Variants in PLAGL1 observed in about 807,000 individuals in gnomAD.
PLAGL1 encodes zinc finger protein PLAGL1.
In PLAGL1, 1 loss-of-function variant was observed where a neutral mutation model predicts 4.6. That is an observed-to-expected ratio of 0.22 (90% CI 0.08 to 1.03). The LOEUF (loss-of-function observed/expected upper bound fraction) is 1.03. Among genes scored for constraint, PLAGL1 ranks in the 50% least tolerant of loss-of-function variants. The pLI, the probability that PLAGL1 is intolerant of heterozygous loss-of-function variation, is 0.58. For synonymous variants in PLAGL1, 240 were observed against 237.8 expected (o/e 1.01, Z -0.08); for missense variants, 464 against 570.4 (o/e 0.81, Z 1.90).
intron 1 of PLAGL1, among the ~76,000 whole-genome samples, chr6:144,035,651 TA>T (rs1413585671): frequency 4.3e-4 from 65 of 152,346 alleles, no homozygotes; most frequent in African/African-American, 1.4e-3. Context: ...CATTCAATAT[TA>T]ACCATCACAG....
rs1321879500 is a variant in PLAGL1 at position 143,964,371 on chromosome 6, C to T, written c.-399+416G>A. ...GAAAATCTCCAGGTCCTAGGACACA[C>T]TCCATGGGGGAAGGGGAAGCACCTA... is the stretch of plus-strand genomic sequence containing the variant. On this transcript the variant is annotated intron_variant, in intron 5 of 7. Coordinates refer to ENST00000674357, the MANE Select transcript of PLAGL1 (RefSeq NM_001317162.2). This position sits in a 1 kb window ranked among gnomAD's most constrained non-coding sequence, Gnocchi z 4.3. Among the ~76,000 whole-genome samples, 1 of 152,194 alleles carries T rather than the reference C, an allele frequency of 6.6e-6. No homozygotes were observed. Among genetic ancestry groups the T allele is most frequent in the Non-Finnish European group, 1.5e-5 (1 of 68,042 alleles).
At position 144,022,850 on chromosome 6, in the gene PLAGL1, C is replaced by G. The variant is rs370277460; in HGVS notation, c.-151+41618G>C. Reference sequence around the variant, plus strand: ...TGCAGCATGAGAACAGACTAATACACACAGACTTCCCATACTACCCAGCAA... The same window carrying G: ...TGCAGCATGAGAACAGACTAATACAGACAGACTTCCCATACTACCCAGCAA... On this transcript the variant is annotated intron_variant, in intron 1 of 3. Transcript: ENST00000437412. This position sits in a 1 kb window ranked among gnomAD's most constrained non-coding sequence, Gnocchi z 4.2. 2.0e-5 allele frequency among the ~76,000 whole-genome samples: 3 copies of G among 152,288 alleles called. No individual in the cohort carries two copies. Among genetic ancestry groups the G allele is most frequent in the Admixed American group, 6.5e-5 (1 of 15,286 alleles).
At chr6:143,986,479 C>T (rs1403939004) in intron 1 of PLAGL1, among the ~76,000 whole-genome samples, 1 of 152,058 alleles carries the variant, frequency 6.6e-6, no homozygotes, top group Admixed American at 6.6e-5. Context: ...GCAGTTTATA[C>T]ATAGTCAAGA....
intron 1 of PLAGL1, among the ~76,000 whole-genome samples, chr6:144,052,303 C>T (rs1277679401): frequency 6.6e-6 from 1 of 152,120 alleles, no homozygotes; most frequent in Non-Finnish European, 1.5e-5. Flanking sequence ...ATCAATCAAC[C>T]AAGGCAGATA....
At chr6:144,043,508 C>T (rs1237083793) in intron 1 of PLAGL1, among the ~76,000 whole-genome samples, 2 of 152,138 alleles carry the variant, frequency 1.3e-5, no homozygotes, top group African/African-American at 4.8e-5. Flanking sequence ...ATCAGCCTTG[C>T]ATCCCAGGGA....
Position 144,015,792 on chromosome 6 carries a change from G to A in PLAGL1, c.-150-46814C>T, listed in dbSNP as rs1362469228. 6.6e-6 allele frequency among the ~76,000 whole-genome samples: 1 copy of A among 152,184 alleles called. No homozygotes were observed. Among genetic ancestry groups the A allele is most frequent in the Non-Finnish European group, 1.5e-5 (1 of 68,034 alleles). ...CACATTGCTAGAAGAAATATAAAAT[G>A]ATACAGCCACTTTGGAAAACAGTTT... On this transcript the variant is annotated intron_variant, in intron 1 of 3. Coordinates refer to the PLAGL1 transcript ENST00000437412. The surrounding 1 kb of genome is among the most constrained non-coding windows in gnomAD (Gnocchi z 4.3).
In PLAGL1 at chr6:144,004,512, T is replaced by A. The variant is rs916313697; in HGVS notation, c.-584+3578A>T. Among the ~76,000 whole-genome samples, 1 of 152,240 alleles carries A rather than the reference T, an allele frequency of 6.6e-6. No individual in the cohort carries two copies. Among genetic ancestry groups the A allele is most frequent in the African/African-American group, 2.4e-5 (1 of 41,460 alleles). On this transcript the variant is annotated intron_variant, in intron 1 of 7. Transcript: ENST00000674357. The surrounding 1 kb of genome is among the most constrained non-coding windows in gnomAD (Gnocchi z 4.2). The stretch of plus-strand genomic sequence containing the variant: ...AAAAGAATAAACTGTATGACTCCGT[T>A]TATATGAAGTTTAAAAACATTTGAA...
In PLAGL1 at chr6:143,965,131, T is replaced by A. The variant is rs1784184322; in HGVS notation, c.-430-313A>T. 6.6e-6 allele frequency: 1 copy of A among 152,206 alleles called. No homozygotes were observed. The highest frequency in any genetic ancestry group is 2.1e-4 in the South Asian group (1 of 4,836). 9.4% of individuals were successfully genotyped at this position (152,206 alleles called of 1,614,324 possible). On this transcript the variant is annotated intron_variant, in intron 4 of 7. Transcript: ENST00000674357. The surrounding 1 kb of genome is among the most constrained non-coding windows in gnomAD (Gnocchi z 7.5). Reference sequence around the variant, plus strand: ...ACCCAAAAGAAAGGATATAAATCTTTAATGTGTCAAATTTGTTGACTGTAA... The same window carrying A: ...ACCCAAAAGAAAGGATATAAATCTTAAATGTGTCAAATTTGTTGACTGTAA...
intron 1 of PLAGL1, among the ~76,000 whole-genome samples, chr6:144,051,393 G>A (rs1370007897): frequency 6.6e-6 from 1 of 151,990 alleles, no homozygotes; most frequent in African/African-American, 2.4e-5. Flanking sequence ...GAATCCTTTT[G>A]GTAAACAACA....
chr6:144,054,703 A>G (rs1798820498), intron 1 of PLAGL1, among the ~76,000 whole-genome samples: 2 of 152,190 alleles, frequency 1.3e-5, no homozygotes, highest in South Asian at 4.1e-4. Flanking sequence ...TGGCACACAT[A>G]TACCTATGTA....
rs1780563198 is a variant in PLAGL1, at chr6:143,949,533, A to AATC, written c.-324-1076_-324-1074dup. Among the ~76,000 whole-genome samples, 1 of 152,232 alleles carries AATC rather than the reference A, an allele frequency of 6.6e-6. No homozygotes were observed. The highest frequency in any genetic ancestry group is 2.1e-4 in the South Asian group (1 of 4,834). On this transcript the variant is annotated intron_variant, in intron 6 of 7. Coordinates refer to ENST00000674357, the MANE Select transcript of PLAGL1 (RefSeq NM_001317162.2). This position sits in a 1 kb window ranked among gnomAD's most constrained non-coding sequence, Gnocchi z 5.3. ...CCCTGGACTCTGACAGCAGGTTTCAAATCGGCCTCTACCTGCCACTACCTG... is the reference window on the plus strand; with the variant it reads ...CCCTGGACTCTGACAGCAGGTTTCAAATCATCGGCCTCTACCTGCCACTACCTG...
At position 144,022,455 on chromosome 6, in the gene PLAGL1, A is replaced by G. The variant is rs1796038532; in HGVS notation, c.-151+42013T>C. ...GATGGGAATGCAAAATGGTACAGCCACTTTGGAAGACAGTTTGGCAATTTA... is the reference window on the plus strand; with the variant it reads ...GATGGGAATGCAAAATGGTACAGCCGCTTTGGAAGACAGTTTGGCAATTTA... On this transcript the variant is annotated intron_variant, in intron 1 of 3. Transcript: ENST00000437412. This position sits in a 1 kb window ranked among gnomAD's most constrained non-coding sequence, Gnocchi z 4.2. 6.6e-6 allele frequency among the ~76,000 whole-genome samples: 1 copy of G among 152,236 alleles called. No individual in the cohort carries two copies. The highest frequency in any genetic ancestry group is 6.5e-5 in the Admixed American group (1 of 15,284).
intron 1 of PLAGL1, among the ~76,000 whole-genome samples, chr6:144,021,665 T>C (rs1795985818): frequency 6.6e-6 from 1 of 152,246 alleles, no homozygotes; most frequent in Admixed American, 6.5e-5. Flanking sequence ...ATTGTGATTT[T>C]AAAGTCACTG....
chr6:144,019,470 G>T (rs1795815307), intron 1 of PLAGL1, among the ~76,000 whole-genome samples: 1 of 151,326 alleles, frequency 6.6e-6, no homozygotes, highest in African/African-American at 2.4e-5. Flanking sequence ...AGACTCTCTT[G>T]AGGAAAAAAA....
chr6:143,977,083 T>TCC lies in PLAGL1; in HGVS notation c.-544+8050_-544+8051dup, dbSNP rs55975019. 9.7e-3 allele frequency among the ~76,000 whole-genome samples: 1,325 copies of TCC among 136,786 alleles called. 12 individuals carry two copies. Among genetic ancestry groups the TCC allele is most frequent in the Non-Finnish European group, 0.016 (996 of 61,748 alleles). 89.7% of individuals were successfully genotyped at this position (136,786 alleles called of 152,430 possible). The stretch of plus-strand genomic sequence containing the variant: ...TACAGCAATTTCCCATATACTCCCT[T>TCC]CCCCCCCCCCAACACACTTAGCCTT... On this transcript the variant is annotated intron_variant, in intron 2 of 7. Coordinates refer to ENST00000674357, the MANE Select transcript of PLAGL1 (RefSeq NM_001317162.2).
At chr6:144,049,878 G>T (rs113505428) in intron 1 of PLAGL1, among the ~76,000 whole-genome samples, 18 of 152,268 alleles carry the variant, frequency 1.2e-4, no homozygotes, top group African/African-American at 3.9e-4. Flanking sequence ...TATCCTTCGT[G>T]CTGCGTAGCT....
intron 2 of PLAGL1, among the ~76,000 whole-genome samples, chr6:143,977,293 A>G (rs1029912695): frequency 3.9e-5 from 6 of 152,052 alleles, no homozygotes; most frequent in Admixed American, 6.5e-5. Context: ...AGTTTTGCCG[A>G]TCTTTTTACT....
At chr6:144,024,055 G>A (rs111373062) in intron 1 of PLAGL1, among the ~76,000 whole-genome samples, 2,975 of 152,152 alleles carry the variant, frequency 0.02, 119 homozygotes, top group African/African-American at 0.069. Context: ...GAGATTACAG[G>A]CCTCAGCCAC....
chr6:144,064,109 G>A lies in PLAGL1; in HGVS notation c.-151+359C>T, dbSNP rs868126057. On this transcript the variant is annotated intron_variant, in intron 1 of 3. Transcript: ENST00000437412. This position sits in a 1 kb window ranked among gnomAD's most constrained non-coding sequence, Gnocchi z 6.8. ...CGACCTGCCTCCGCGCGGGGACAGTGGCCGGCGGGGCGGGCGCTAGGTGGC... is the reference window on the plus strand; with the variant it reads ...CGACCTGCCTCCGCGCGGGGACAGTAGCCGGCGGGGCGGGCGCTAGGTGGC... Among the ~76,000 whole-genome samples the A allele has an allele frequency of 5.4e-4, 82 of 152,282 alleles. No individual in the cohort carries two copies. Among genetic ancestry groups the A allele is most frequent in the African/African-American group, 1.7e-3 (71 of 41,570 alleles).
Sources: allele counts gnomAD v4.1 joint callset (sites outside exome capture counted in the v4.1 genomes callset), GRCh38; gene constraint gnomAD v4.1.1; non-coding constraint Gnocchi (gnomAD v3.1); transcripts MANE v1.5; gene names NCBI Gene and HGNC (gene_info 2026-07-23, HGNC 2026-07-21).